The following PDE10A variants were observed in gnomAD, a reference collection of about 807,000 sequenced individuals.
The protein encoded by PDE10A is phosphodiesterase 10A.
A neutral mutation model predicts 97.7 loss-of-function variants in PDE10A; 39 were observed. That is an observed-to-expected ratio of 0.40 (90% CI 0.31 to 0.52). The LOEUF (loss-of-function observed/expected upper bound fraction) is 0.52. Ranked by LOEUF, PDE10A falls within the 20% of genes least tolerant of loss-of-function variation. The probability of loss-of-function intolerance (pLI) is 0.56; values close to 1 mark genes in which losing one functional copy is unlikely to be tolerated. For missense variants in PDE10A, 731 were observed against 1,047.8 expected (o/e 0.70, Z 4.17); for synonymous variants, 371 against 376.8 (o/e 0.98, Z 0.18).
intron 2 of PDE10A, among the ~76,000 whole-genome samples, chr6:165,539,376 T>C (rs1454229863): frequency 3.3e-5 from 5 of 152,204 alleles, no homozygotes; most frequent in Non-Finnish European, 7.3e-5. Context: ...AAAACCTCCT[T>C]CTACCTGTCA....
rs1583189296 is a variant in PDE10A, at chr6:165,395,270, A to G, written c.2220-6T>C. Reference sequence around the variant, plus strand: ...GACCAATGTCAAAGTGGAATCTGAAATTTTAAAAGGGCAGTTTATCACTAA... The same window carrying G: ...GACCAATGTCAAAGTGGAATCTGAAGTTTTAAAAGGGCAGTTTATCACTAA... On this transcript the variant is annotated splice_region_variant and splice_polypyrimidine_tract_variant and intron_variant, in intron 14 of 21. Coordinates refer to ENST00000539869, the MANE Select transcript of PDE10A (RefSeq NM_001385079.1). The G allele has an allele frequency of 1.2e-6, 2 of 1,601,492 alleles. No homozygotes were observed. Among genetic ancestry groups the G allele is most frequent in the Non-Finnish European group, 1.7e-6 (2 of 1,168,696 alleles).
intron 18 of PDE10A, among the ~76,000 whole-genome samples, chr6:165,375,206 C>G (rs1784541579): frequency 6.6e-6 from 1 of 152,158 alleles, no homozygotes; most frequent in Non-Finnish European, 1.5e-5. Flanking sequence ...AGTGACTAAA[C>G]TTAGGAAGGC....
At chr6:165,349,194 A>G (rs1166995080) in intron 18 of PDE10A, among the ~76,000 whole-genome samples, 1 of 152,158 alleles carries the variant, frequency 6.6e-6, no homozygotes, top group Non-Finnish European at 1.5e-5. Flanking sequence ...TTTCCTAGAG[A>G]CTTGGACAAC....
At chr6:165,579,616 T>C (rs1280256829) in intron 1 of PDE10A, among the ~76,000 whole-genome samples, 2 of 152,202 alleles carry the variant, frequency 1.3e-5, no homozygotes, top group African/African-American at 2.4e-5. Flanking sequence ...CTCCAATAGC[T>C]TTCTAACTGG....
intron 13 of PDE10A, among the ~76,000 whole-genome samples, chr6:165,405,017 A>G (rs1366074394): frequency 1.3e-5 from 2 of 152,178 alleles, no homozygotes; most frequent in African/African-American, 4.8e-5. Flanking sequence ...TTTCATGCTG[A>G]GGACTGCAAA....
At chr6:165,621,827 A>C (rs1482365977) in intron 1 of PDE10A, among the ~76,000 whole-genome samples, 3 of 152,094 alleles carry the variant, frequency 2.0e-5, no homozygotes, top group African/African-American at 2.4e-5. Context: ...CTTGGAACAA[A>C]AGTTTCTCCC....
chr6:165,738,169 C>A (rs1469422469), intron 1 of PDE10A, among the ~76,000 whole-genome samples: 4 of 119,982 alleles, frequency 3.3e-5, no homozygotes, highest in Non-Finnish European at 5.1e-5. Context: ...CCCCTCCCCC[C>A]ACCCCACAAC....
chr6:165,759,808 G>T (rs1410607299), intron 1 of PDE10A, among the ~76,000 whole-genome samples: 1 of 152,130 alleles, frequency 6.6e-6, no homozygotes, highest in Non-Finnish European at 1.5e-5. Context: ...AGGCATTTGG[G>T]CTCCTGGCCT....
intron 1 of PDE10A, among the ~76,000 whole-genome samples, chr6:165,592,245 G>A (rs1025820069): frequency 6.6e-6 from 1 of 152,076 alleles, no homozygotes; most frequent in African/African-American, 2.4e-5. Context: ...AGGGAAAACT[G>A]GCTAGCCATA....
intron 1 of PDE10A, among the ~76,000 whole-genome samples, chr6:165,908,166 C>T (rs942562082): frequency 6.6e-6 from 1 of 152,164 alleles, no homozygotes; most frequent in Non-Finnish European, 1.5e-5. Context: ...AAAATTATTA[C>T]GAGGAAGCAA....
At chr6:165,492,079 A>T (rs551880475) in intron 2 of PDE10A, among the ~76,000 whole-genome samples, 36 of 152,324 alleles carry the variant, frequency 2.4e-4, no homozygotes, top group African/African-American at 8.4e-4. Flanking sequence ...TACTATGAAC[A>T]CCCTTATGCA....
intron 1 of PDE10A, among the ~76,000 whole-genome samples, chr6:165,589,702 T>C (rs1179179207): frequency 2.0e-5 from 3 of 151,842 alleles, no homozygotes; most frequent in Admixed American, 6.6e-5. Context: ...GAAAGACAAA[T>C]GGATGTATGA....
chr6:165,899,892 C>T (rs1229959466), intron 1 of PDE10A, among the ~76,000 whole-genome samples: 1 of 152,216 alleles, frequency 6.6e-6, no homozygotes, highest in Admixed American at 6.5e-5. Context: ...TGCTCAGCAA[C>T]CTGTTTTTTC....
rs998994799 is a variant in PDE10A, at chr6:165,864,822, A to G, written c.-615+122707T>C. ...TATTATGTGACCATGAAAAACATCA[A>G]ATGAAGAATTTCAATAATAGGAAAA... On this transcript the variant is annotated intron_variant, in intron 1 of 19. Transcript: ENST00000366882. 4.1e-4 allele frequency among the ~76,000 whole-genome samples: 63 copies of G among 152,368 alleles called. 1 individual carries two copies. The highest frequency in any genetic ancestry group is 1.4e-3 in the African/African-American group (60 of 41,596).
rs891140199 is a variant in PDE10A at position 165,896,692 on chromosome 6, T to C, written c.-615+90837A>G. Among the ~76,000 whole-genome samples the C allele has an allele frequency of 9.9e-5, 15 of 152,064 alleles. 1 individual carries two copies. In the South Asian group the frequency reaches 3.1e-3, roughly 32 times the overall value. ...GGCGCCCACCACCATGCCCTGCTAATTTTTTGTATTTTTAGTAGAGATGGG... is the reference window on the plus strand; with the variant it reads ...GGCGCCCACCACCATGCCCTGCTAACTTTTTGTATTTTTAGTAGAGATGGG... On this transcript the variant is annotated intron_variant, in intron 1 of 19. Coordinates refer to the PDE10A transcript ENST00000366882.
intron 1 of PDE10A, among the ~76,000 whole-genome samples, chr6:165,927,885 C>T (rs1449385799): frequency 2.0e-5 from 3 of 149,910 alleles, no homozygotes; most frequent in Non-Finnish European, 3.0e-5. Flanking sequence ...TTAGTAGAGA[C>T]GGGGTTTCAC....
chr6:165,551,260 T>C (rs937203085), intron 1 of PDE10A, among the ~76,000 whole-genome samples: 3 of 152,162 alleles, frequency 2.0e-5, no homozygotes, highest in African/African-American at 7.2e-5. Flanking sequence ...GCTTTCAGAA[T>C]CCCAAAATTC....
chr6:165,686,097 T>C (rs950497134), intron 1 of PDE10A, among the ~76,000 whole-genome samples: 2 of 151,202 alleles, frequency 1.3e-5, no homozygotes, highest in Non-Finnish European at 2.9e-5. Context: ...CTAGCTGCCT[T>C]TTAACCATTC....
chr6:165,644,112 G>A (rs929176162), intron 1 of PDE10A, among the ~76,000 whole-genome samples: 1 of 152,146 alleles, frequency 6.6e-6, no homozygotes, highest in African/African-American at 2.4e-5. Context: ...CTGGAGTGCA[G>A]TGGCGTGATC....
Sources: allele counts gnomAD v4.1 joint callset (sites outside exome capture counted in the v4.1 genomes callset), GRCh38; gene constraint gnomAD v4.1.1; transcripts MANE v1.5; gene names NCBI Gene and HGNC (gene_info 2026-07-23, HGNC 2026-07-21).